CBLC: variants seen among roughly 807,000 people sequenced by gnomAD.
The protein encoded by CBLC is Cbl proto-oncogene C, also known as E3 ubiquitin-protein ligase CBL-C.
Under a neutral mutation model 58.6 loss-of-function variants are expected in CBLC, and 46 were observed. The ratio of observed to expected loss-of-function variants is 0.79; its 90% confidence interval spans 0.62 to 1.00. CBLC has a LOEUF of 1.00. CBLC is among the 50% of genes least tolerant of loss of function. The pLI is 0.00. For missense variants in CBLC, 655 were observed against 625.8 expected (o/e 1.05, Z -0.50); for synonymous variants, 271 against 264.2 (o/e 1.03, Z -0.25).
chr19:44,780,839 T>C, intron 1 of CBLC, 66 bp from the exon 2 acceptor site: 2 of 1,494,464 alleles, frequency 1.3e-6, no homozygotes, highest in Non-Finnish European at 1.8e-6. Context: ...GTGTTCCCCA[T>C]GAGGGGAGGA....
chr19:44,788,251 C>T (rs185119249), intron 5 of CBLC, among the ~76,000 whole-genome samples: 22 of 152,036 alleles, frequency 1.4e-4, no homozygotes, highest in Non-Finnish European at 2.8e-4. Context: ...TCCTGAGTAG[C>T]TGAGACCACA....
chr19:44,785,431 T>G (rs562121187), intron 5 of CBLC, among the ~76,000 whole-genome samples: 39 of 151,946 alleles, frequency 2.6e-4, no homozygotes, highest in African/African-American at 8.0e-4. Flanking sequence ...TTTTCAGAGT[T>G]TCACCTTTAG....
At chr19:44,796,787 G>A (rs1053788304) in intron 9 of CBLC, among the ~76,000 whole-genome samples, 2 of 152,026 alleles carry the variant, frequency 1.3e-5, no homozygotes, top group Non-Finnish European at 2.9e-5. Context: ...AGATCTCTTA[G>A]TATCTCCGGC....
In CBLC at chr19:44,792,476, G is replaced by A. The variant is rs377703099; in HGVS notation, c.1099G>A (p.Gly367Arg). 4.5e-5 allele frequency: 73 copies of A among 1,610,802 alleles called. No individual in the cohort carries two copies. In the African/African-American group the frequency reaches 5.9e-4, roughly 13 times the overall value. The stretch of plus-strand genomic sequence containing the variant: ...CAAGGATGTGAAGATTGAGCCGTGC[G>A]GGCACCTGCTCTGCAGCTGCTGCCT... ...SNKDVKIEPCGHLLCSCCLAA... is the reference protein window; with the variant it reads ...SNKDVKIEPCRHLLCSCCLAA... Residue 367 changes from glycine to arginine, a missense_variant, in exon 7 of 11, where the codon GGG (glycine) becomes AGG (arginine). Transcript: ENST00000647358.
Position 44,778,203 on chromosome 19 carries a change from G to C in CBLC, c.272G>C (p.Ser91Thr). Residue 91 changes from serine to threonine, a missense_variant, in exon 1 of 11, where the codon AGC becomes ACC. Ser to Thr is a moderately conservative substitution (Grantham distance 58, BLOSUM62 1). This residue lies in a region of CBLC where 280 missense variants were observed against 237.2 expected (regional missense o/e 1.18). Coordinates refer to ENST00000647358, the MANE Select transcript of CBLC (RefSeq NM_012116.4). ...LIYLANLEAK[S>T]RQVAALLPPR... ...TACCTGGCCAATCTGGAGGCCAAGAGCAGGCAGGTGGCCGCGCTGCTGCCT... is the reference window on the plus strand; with the variant it reads ...TACCTGGCCAATCTGGAGGCCAAGACCAGGCAGGTGGCCGCGCTGCTGCCT... 1 of 1,500,094 alleles carries C rather than the reference G, an allele frequency of 6.7e-7. No individual in the cohort carries two copies. Among genetic ancestry groups the C allele is most frequent in the Non-Finnish European group, 8.9e-7 (1 of 1,125,986 alleles). 92.9% of individuals were successfully genotyped at this position (1,500,094 alleles called of 1,614,324 possible).
chr19:44,794,181 C>T, intron 8 of CBLC, 23 bp from the exon 9 acceptor site: 1 of 1,594,342 alleles, frequency 6.3e-7, no homozygotes, highest in South Asian at 1.1e-5. Context: ...CAAGCCCCTT[C>T]TCCTTCCTCT....
At chr19:44,796,166 G>T (rs1287041777) in intron 9 of CBLC, among the ~76,000 whole-genome samples, 2 of 152,056 alleles carry the variant, frequency 1.3e-5, no homozygotes, top group East Asian at 3.9e-4. Flanking sequence ...AGTGAGCCAA[G>T]ATCGCGCCAC....
chr19:44,788,923 A>AG (rs1297119580), intron 5 of CBLC, among the ~76,000 whole-genome samples: 1 of 152,250 alleles, frequency 6.6e-6, no homozygotes, highest in Non-Finnish European at 1.5e-5. Flanking sequence ...ACAGTGTGTT[A>AG]GTGAGAGAGC....
intron 9 of CBLC, among the ~76,000 whole-genome samples, chr19:44,797,611 G>A (rs905936565): frequency 4.9e-5 from 7 of 143,420 alleles, no homozygotes; most frequent in African/African-American, 7.8e-5. Context: ...TCTGTCTAGC[G>A]GAGTGTGGTG....
In CBLC at chr19:44,799,866, AAAG is replaced by A. The variant is rs1341489717; in HGVS notation, c.1363-512_1363-510del. ...AAAGAAAAGAAAGAAAAAGAAGAAA[AAAG>A]AAAGAGAAAAGGAAAAGAGAATAAA... On this transcript the variant is annotated intron_variant, in intron 9 of 10. Transcript: ENST00000647358. Among the ~76,000 whole-genome samples the A allele has an allele frequency of 7.6e-5, 11 of 144,618 alleles. No individual in the cohort carries two copies. The East Asian group carries it at 1.7e-3, about 23-fold the overall frequency. 94.9% of individuals were successfully genotyped at this position (144,618 alleles called of 152,430 possible).
chr19:44,787,689 C>T (rs1390099859), intron 5 of CBLC, among the ~76,000 whole-genome samples: 2 of 150,980 alleles, frequency 1.3e-5, no homozygotes, highest in African/African-American at 2.4e-5. Flanking sequence ...TGGTGGCAGG[C>T]GCCTGTAATT....
At chr19:44,789,793 G>C (rs1192210631) in intron 5 of CBLC, among the ~76,000 whole-genome samples, 1 of 152,152 alleles carries the variant, frequency 6.6e-6, no homozygotes, top group Non-Finnish European at 1.5e-5. Context: ...TTGGGAGTCT[G>C]AGGGGACATA....
chr19:44,781,134 C>A lies in CBLC; in HGVS notation c.501-73C>A, dbSNP rs1475694887. 56 of 1,573,736 alleles carry A rather than the reference C, an allele frequency of 3.6e-5. No homozygotes were observed. The Admixed American group carries it at 9.7e-4, about 27-fold the overall frequency. The stretch of plus-strand genomic sequence containing the variant: ...CAGGGGTCCAGGCCCACAGCTGCTT[C>A]TTTCCTGGAGACCCTCCCATCATAG... On this transcript the variant is annotated intron_variant, in intron 2 of 10. Transcript: ENST00000647358.
In CBLC at chr19:44,796,044, G is replaced by C. The variant is rs547555441; in HGVS notation, c.1362+1763G>C. On this transcript the variant is annotated intron_variant, in intron 9 of 10. Transcript: ENST00000647358. ...AGCCTAACCAACATGGTGAAACCCT[G>C]TCTCTACTAAAAATGCAAAAATTAG... Among the ~76,000 whole-genome samples the C allele has an allele frequency of 9.9e-5, 15 of 152,088 alleles. 1 individual carries two copies. In the East Asian group the frequency reaches 2.9e-3, roughly 30 times the overall value.
At chr19:44,781,595 AG>A (rs1182203918) in intron 3 of CBLC, among the ~76,000 whole-genome samples, 9 of 8,238 alleles carry the variant, frequency 1.1e-3, no homozygotes, top group African/African-American at 2.1e-3. Context: ...CTGAGGGAGG[AG>A]GGGGCTGGGG....
At chr19:44,791,245 G>A (rs1306796227) in intron 6 of CBLC, among the ~76,000 whole-genome samples, 1 of 150,862 alleles carries the variant, frequency 6.6e-6, no homozygotes, top group African/African-American at 2.4e-5. Context: ...GTTGGCGGTT[G>A]CAGTAGGCCA....
At chr19:44,793,685 C>G (rs1299653129) in intron 8 of CBLC, 65 bp downstream of exon 8, 5 of 1,418,244 alleles carry the variant, frequency 3.5e-6, no homozygotes, top group South Asian at 2.5e-5. Context: ...GGGACTGGAG[C>G]CTGGACTCCT....
At position 44,784,317 on chromosome 19, in the gene CBLC, T is replaced by G; in HGVS notation, c.833T>G (p.Val278Gly). ...TRLGQWAIGY[V>G]SSDGSILQTI... The stretch of plus-strand genomic sequence containing the variant: ...CTGGGGCAGTGGGCCATCGGCTATG[T>G]GAGCTCAGATGGCAGCATCCTGCAG... Residue 278 changes from valine to glycine, a missense_variant, in exon 5 of 11, where the codon GTG becomes GGG. By Grantham distance (109) the Val-to-Gly change is moderately radical. This residue lies in a region of CBLC where 371 missense variants were observed against 370.8 expected (regional missense o/e 1.00). Transcript: ENST00000647358. The G allele has an allele frequency of 3.1e-6, 5 of 1,601,304 alleles. No individual in the cohort carries two copies. The highest frequency in any genetic ancestry group is 1.3e-5 in the African/African-American group (1 of 74,902).
Position 44,792,433 on chromosome 19 carries a change from G to A in CBLC, c.1056G>A (p.Lys352=). ...TGGACTCCACATTTGAGCTCTGCAA[G>A]ATCTGTGCTGAGAGCAACAAGGATG... ...WAMDSTFELC[K]ICAESNKDVK... is the part of the protein sequence containing the mutation. Residue 352 remains lysine (K), a synonymous_variant, in exon 7 of 11, where the codon AAG becomes AAA. Transcript: ENST00000647358. 6.2e-7 allele frequency: 1 copy of A among 1,613,686 alleles called. No homozygotes were observed. The highest frequency in any genetic ancestry group is 2.2e-5 in the East Asian group (1 of 44,858).
Sources: allele counts gnomAD v4.1 joint callset (sites outside exome capture counted in the v4.1 genomes callset), GRCh38; gene constraint gnomAD v4.1.1; regional missense constraint gnomAD v4.1.1; transcripts MANE v1.5; gene names NCBI Gene and HGNC (gene_info 2026-07-23, HGNC 2026-07-21).